STXBP5: variants seen among roughly 807,000 people sequenced by gnomAD.
STXBP5 encodes the protein syntaxin-binding protein 5.
STXBP5 carries 50 observed loss-of-function variants against 152.4 expected under a neutral mutation model. The ratio of observed to expected loss-of-function variants is 0.33; its 90% CI spans 0.26 to 0.42. The LOEUF is 0.42. Among genes scored for constraint, STXBP5 ranks in the 10% least tolerant of loss-of-function variants. The probability of loss-of-function intolerance (pLI) is 1.00; values close to 1 mark genes in which losing one functional copy is unlikely to be tolerated. For synonymous variants in STXBP5, 492 were observed against 494.7 expected (o/e 0.99, Z 0.07); for missense variants, 1,167 against 1,388.6 (o/e 0.84, Z 2.54).
intron 15 of STXBP5, 133 bp from the exon 16 acceptor site, chr6:147,316,096 T>G (rs1782629851): frequency 3.4e-6 from 3 of 885,812 alleles, no homozygotes; most frequent in Non-Finnish European, 5.0e-6. Context: ...TTTTGAAATC[T>G]TGCTAAATTT....
intron 7 of STXBP5, among the ~76,000 whole-genome samples, chr6:147,275,289 A>G (rs1367518708): frequency 6.6e-6 from 1 of 152,064 alleles, no homozygotes; most frequent in Non-Finnish European, 1.5e-5. Flanking sequence ...TTTTTGTCAG[A>G]TACTACATCT....
chr6:147,287,597 A>G (rs1414303335), intron 8 of STXBP5, among the ~76,000 whole-genome samples: 2 of 152,136 alleles, frequency 1.3e-5, no homozygotes, highest in East Asian at 3.9e-4. Flanking sequence ...ATTCCTCCAA[A>G]TGTTCTGGCA....
chr6:147,242,053 T>C (rs950616895), intron 4 of STXBP5, among the ~76,000 whole-genome samples: 3 of 152,004 alleles, frequency 2.0e-5, no homozygotes, highest in African/African-American at 7.2e-5. Flanking sequence ...TCACTCAGTG[T>C]GTGTTACTGT....
chr6:147,352,406 C>T lies in STXBP5; in HGVS notation c.2255-917C>T, dbSNP rs115100825. 2.3e-3 allele frequency among the ~76,000 whole-genome samples: 344 copies of T among 152,244 alleles called. 1 individual carries two copies. Among genetic ancestry groups the T allele is most frequent in the African/African-American group, 7.9e-3 (329 of 41,558 alleles). On this transcript the variant is annotated intron_variant, in intron 21 of 27. Coordinates refer to ENST00000321680, the MANE Select transcript of STXBP5 (RefSeq NM_001127715.4). ...ATCCCAGCACTTCGGGAGGCCGAAG[C>T]GAGTGGATCACTTGAGGTCAGGAGT...
At chr6:147,300,708 G>T (rs936270277) in intron 9 of STXBP5, among the ~76,000 whole-genome samples, 1 of 152,008 alleles carries the variant, frequency 6.6e-6, no homozygotes, top group African/African-American at 2.4e-5. Context: ...ACTACTGGAA[G>T]AATACATGGG....
chr6:147,235,537 G>A (rs1328627780), intron 3 of STXBP5, among the ~76,000 whole-genome samples: 2 of 152,130 alleles, frequency 1.3e-5, no homozygotes, highest in Non-Finnish European at 2.9e-5. Context: ...AGACAGTGTT[G>A]TAAATTGAAA....
intron 21 of STXBP5, 41 bp downstream of exon 21, chr6:147,339,425 A>G: frequency 7.1e-7 from 1 of 1,418,134 alleles, no homozygotes; most frequent in East Asian, 2.5e-5. Flanking sequence ...AATCCTTGCT[A>G]TATGCAGTGC....
chr6:147,238,164 A>G (rs1337191321), intron 3 of STXBP5, among the ~76,000 whole-genome samples: 1 of 152,176 alleles, frequency 6.6e-6, no homozygotes, highest in Non-Finnish European at 1.5e-5. Flanking sequence ...AATTTATTTA[A>G]CTTTTGATTC....
intron 26 of STXBP5, among the ~76,000 whole-genome samples, chr6:147,378,429 T>A (rs1160893899): frequency 1.4e-5 from 2 of 146,990 alleles, no homozygotes; most frequent in African/African-American, 5.2e-5. Flanking sequence ...AAAAAAAAAA[T>A]TCTTATCCGT....
At chr6:147,292,412 T>C (rs946089420) in intron 9 of STXBP5, 8 of 283,780 alleles carry the variant, frequency 2.8e-5, no homozygotes, top group African/African-American at 1.1e-4. Context: ...TCCTCACTTA[T>C]GACATAGATG....
chr6:147,326,494 A>G (rs971857244), intron 17 of STXBP5, among the ~76,000 whole-genome samples: 2 of 152,228 alleles, frequency 1.3e-5, no homozygotes, highest in African/African-American at 2.4e-5. Flanking sequence ...TAGATGTGCC[A>G]TACAATCTTA....
intron 25 of STXBP5, among the ~76,000 whole-genome samples, chr6:147,365,209 G>A (rs1785241111): frequency 6.6e-6 from 1 of 152,106 alleles, no homozygotes; most frequent in Non-Finnish European, 1.5e-5. Flanking sequence ...AACTTTGAGA[G>A]TAAAACAAAA....
At chr6:147,243,413 A>G (rs1040101104) in intron 4 of STXBP5, among the ~76,000 whole-genome samples, 1 of 152,052 alleles carries the variant, frequency 6.6e-6, no homozygotes, top group Admixed American at 6.6e-5. Context: ...TTTTTTGCCC[A>G]TTTTTAAGTT....
At position 147,251,658 on chromosome 6, in the gene STXBP5, C is replaced by T. The variant is rs191266001; in HGVS notation, c.432-8957C>T. Reference sequence around the variant, plus strand: ...ACTTGGAGAAAGGGGCAGCTGTGGGCGCAGCTTCAGCAGACTTAAACGTTC... The same window carrying T: ...ACTTGGAGAAAGGGGCAGCTGTGGGTGCAGCTTCAGCAGACTTAAACGTTC... On this transcript the variant is annotated intron_variant, in intron 4 of 27. Transcript: ENST00000321680. Among the ~76,000 whole-genome samples the T allele has an allele frequency of 3.9e-4, 60 of 152,264 alleles. No individual in the cohort carries two copies. In the East Asian group the frequency reaches 9.9e-3, roughly 25 times the overall value.
chr6:147,339,526 T>G, intron 21 of STXBP5, 142 bp downstream of exon 21: 1 of 579,688 alleles, frequency 1.7e-6, no homozygotes, highest in Non-Finnish European at 2.8e-6. Context: ...GCTGTGTCTC[T>G]TCTAAACTCA....
At chr6:147,345,075 G>A (rs748807757) in intron 21 of STXBP5, among the ~76,000 whole-genome samples, 11 of 151,996 alleles carry the variant, frequency 7.2e-5, no homozygotes, top group East Asian at 3.9e-4. Flanking sequence ...TTCAGAAGTC[G>A]TCTTTTTGAT....
intron 9 of STXBP5, among the ~76,000 whole-genome samples, chr6:147,296,958 T>C (rs1781556826): frequency 6.6e-6 from 1 of 152,134 alleles, no homozygotes; most frequent in Admixed American, 6.5e-5. Context: ...AGCAAACCTA[T>C]GGAACTTAAG....
intron 14 of STXBP5, 86 bp downstream of exon 14, chr6:147,314,722 A>G (rs1002553842): frequency 8.1e-6 from 8 of 991,270 alleles, no homozygotes; most frequent in South Asian, 4.1e-5. Context: ...TGCATAACCA[A>G]TATTTAATTT....
intron 2 of STXBP5, among the ~76,000 whole-genome samples, chr6:147,217,410 T>G (rs1325356818): frequency 3.3e-5 from 5 of 152,232 alleles, no homozygotes. Flanking sequence ...TTCTTTCTTG[T>G]TCATTTAACC....
Sources: gnomAD v4.1 joint callset for allele counts (sites outside exome capture counted in the v4.1 genomes callset) on GRCh38, gnomAD v4.1.1 for gene constraint, MANE v1.5 for transcripts, NCBI Gene and HGNC (gene_info 2026-07-23, HGNC 2026-07-21) for gene names.